Variants in SREBF2 observed in about 807,000 individuals in gnomAD.
SREBF2 encodes the protein sterol regulatory element binding transcription factor 2, also known as sterol regulatory element-binding protein 2.
Under a neutral mutation model 113.1 loss-of-function variants are expected in SREBF2, and 55 were observed. The observed-to-expected ratio is 0.49, with a 90% CI of 0.39 to 0.61. The LOEUF (loss-of-function observed/expected upper bound fraction) is 0.61, where lower values mean the gene tolerates loss of function less well. Ranked by LOEUF, SREBF2 falls within the 20% of genes least tolerant of loss-of-function variation. The probability of loss-of-function intolerance (pLI) is 0.00; values close to 1 mark genes in which losing one functional copy is unlikely to be tolerated. For missense variants in SREBF2, 1,349 were observed against 1,487.4 expected, an observed-to-expected ratio of 0.91 and a Z score of 1.53; for synonymous variants, 593 against 605.7, an observed-to-expected ratio of 0.98 and a Z score of 0.31.
chr22:41,890,053 T>C (rs1335782305), intron 11 of SREBF2, among the ~76,000 whole-genome samples: 1 of 152,134 alleles, frequency 6.6e-6, no homozygotes, highest in Non-Finnish European at 1.5e-5. Flanking sequence ...ATCATGGTTA[T>C]TAAGAATCCA....
At position 41,833,540 on chromosome 22, in the gene SREBF2, C is replaced by T. The variant is rs1288166485; in HGVS notation, c.88+182C>T. The T allele has an allele frequency of 1.0e-5, 5 of 486,462 alleles. No homozygotes were observed. Among genetic ancestry groups the T allele is most frequent in the South Asian group, 3.7e-5 (1 of 26,764 alleles). 30.1% of individuals were successfully genotyped at this position (486,462 alleles called of 1,614,324 possible). A position where few individuals can be genotyped will look rare whatever the true frequency, so the allele number is the denominator to read the frequency against. ...CGCTGCGAGCGTGAGCCCGACCCAGCTGCGCCGCTCCGGGAGGCCGTGGGA... is the reference window on the plus strand; with the variant it reads ...CGCTGCGAGCGTGAGCCCGACCCAGTTGCGCCGCTCCGGGAGGCCGTGGGA... On this transcript the variant is annotated intron_variant, in intron 1 of 18. Coordinates refer to ENST00000361204, the MANE Select transcript of SREBF2 (RefSeq NM_004599.4). This position sits in a 1 kb window ranked among gnomAD's most constrained non-coding sequence, Gnocchi z 4.1.
intron 14 of SREBF2, 40 bp downstream of exon 14, chr22:41,897,201 G>A (rs200668843): frequency 7.0e-7 from 1 of 1,431,034 alleles, no homozygotes; most frequent in East Asian, 2.3e-5. Context: ...AGGGTGCTCA[G>A]TTCAGGTCTT....
rs997386808 is a variant in SREBF2, at chr22:41,900,206, T to C, written c.2739-124T>C. 46 of 1,534,000 alleles carry C rather than the reference T, an allele frequency of 3.0e-5. No homozygotes were observed. The Admixed American group carries it at 4.5e-4, about 15-fold the overall frequency. On this transcript the variant is annotated intron_variant, in intron 15 of 18. Coordinates refer to ENST00000361204, the MANE Select transcript of SREBF2 (RefSeq NM_004599.4). ...GTGGCATGGTGCCATAGTGGCAGCA[T>C]TGGAGTCAACAGATGCACATGTCAT...
At chr22:41,854,084 A>C (rs2076956080) in intron 1 of SREBF2, among the ~76,000 whole-genome samples, 1 of 151,422 alleles carries the variant, frequency 6.6e-6, no homozygotes, top group South Asian at 2.1e-4. Context: ...TATAAGTTGC[A>C]TGAAAGTTGC....
intron 1 of SREBF2, among the ~76,000 whole-genome samples, chr22:41,851,570 T>C (rs1348094285): frequency 2.0e-5 from 3 of 152,080 alleles, no homozygotes; most frequent in African/African-American, 4.8e-5. Context: ...CTCGCCTCAC[T>C]GCAACCTCCA....
intron 5 of SREBF2, among the ~76,000 whole-genome samples, chr22:41,874,980 T>G (rs1225989630): frequency 4.6e-5 from 7 of 152,046 alleles, no homozygotes; most frequent in Admixed American, 4.6e-4. Flanking sequence ...TTCGTTAAAG[T>G]TTGTTATGGT....
intron 13 of SREBF2, among the ~76,000 whole-genome samples, chr22:41,896,700 G>A (rs1206596455): frequency 6.6e-6 from 1 of 152,204 alleles, no homozygotes; most frequent in Non-Finnish European, 1.5e-5. Flanking sequence ...TGATTAGGGT[G>A]CACCTGAGGA....
At chr22:41,878,719 A>G (rs980707634) in intron 9 of SREBF2, 5 of 1,304,196 alleles carry the variant, frequency 3.8e-6, no homozygotes, top group Non-Finnish European at 5.1e-6. Flanking sequence ...AAACATCCAC[A>G]TTTCAAGAGG....
intron 1 of SREBF2, among the ~76,000 whole-genome samples, chr22:41,849,118 G>A (rs565650786): frequency 8.6e-4 from 131 of 152,214 alleles, no homozygotes; most frequent in African/African-American, 2.9e-3. Flanking sequence ...ATTCCAGCAG[G>A]TTCCTCTTGT....
chr22:41,866,980 AG>A lies in SREBF2; in HGVS notation c.239del (p.Ser80ThrfsTer71). 1 of 1,614,238 alleles carries A rather than the reference AG, an allele frequency of 6.2e-7. No homozygotes were observed. Among genetic ancestry groups the A allele is most frequent in the Non-Finnish European group, 8.5e-7 (1 of 1,180,044 alleles). On this transcript the variant is annotated frameshift_variant, in exon 2 of 19. Coordinates refer to ENST00000361204, the MANE Select transcript of SREBF2 (RefSeq NM_004599.4). LOFTEE classifies it high-confidence loss of function. The stretch of plus-strand genomic sequence containing the variant: ...CAGCAGCAGCAATGGCAGGGGCAGC[AG>A]CAGCGGAGCTGTGGACCCTTCAGTG... ...SSSSSNGRGS[S>X]SGAVDPSVQR... is the part of the protein sequence containing the mutation.
rs2077510273 is a variant in SREBF2, at chr22:41,906,474, CCAGGGGCCTT to C, written c.*818_*827del. On this transcript the variant is annotated 3_prime_UTR_variant, in exon 19 of 19. Transcript: ENST00000361204. ...TGAAGCCACCCATGGGGACTGGGGA[CCAGGGGCCTT>C]CAGCATGGCTTCTAGGTTCCCTCCT... 6.1e-6 allele frequency: 1 copy of C among 163,188 alleles called. No individual in the cohort carries two copies. Among genetic ancestry groups the C allele is most frequent in the South Asian group, 1.6e-4 (1 of 6,170 alleles). 10.1% of individuals were successfully genotyped at this position (163,188 alleles called of 1,614,324 possible). A position where few individuals can be genotyped will look rare whatever the true frequency, so the allele number is the denominator to read the frequency against.
chr22:41,898,251 T>G (rs982690985), intron 14 of SREBF2, among the ~76,000 whole-genome samples: 1 of 152,096 alleles, frequency 6.6e-6, no homozygotes, highest in Non-Finnish European at 1.5e-5. Flanking sequence ...GTAGCTGGGA[T>G]TACAGTCACC....
chr22:41,833,320 C>G lies in SREBF2; in HGVS notation c.50C>G (p.Thr17Arg). ...LGGLETMETL[T>R]ELGDELTLGD... is the part of the protein sequence containing the mutation. The stretch of plus-strand genomic sequence containing the variant: ...GGTCTGGAGACCATGGAGACCCTCA[C>G]GGAGCTGGGCGACGAGCTGACCCTG... Residue 17 changes from threonine (T) to arginine (R), a missense_variant, in exon 1 of 19, where the codon ACG becomes AGG. By Grantham distance (71) the Thr-to-Arg change is moderately conservative (BLOSUM62 -1). This residue lies in a region of SREBF2 where 699 missense variants were observed against 843.3 expected (regional missense o/e 0.83). Transcript: ENST00000361204. This position sits in a 1 kb window ranked among gnomAD's most constrained non-coding sequence, Gnocchi z 4.1. The G allele has an allele frequency of 2.4e-6, 3 of 1,266,502 alleles. No individual in the cohort carries two copies. Among genetic ancestry groups the G allele is most frequent in the Middle Eastern group, 4.3e-4 (2 of 4,622 alleles). 78.5% of individuals were successfully genotyped at this position (1,266,502 alleles called of 1,614,324 possible). A position where few individuals can be genotyped will look rare whatever the true frequency, so the allele number is the denominator to read the frequency against.
intron 2 of SREBF2, 87 bp downstream of exon 2, chr22:41,867,367 T>C: frequency 7.0e-7 from 1 of 1,431,070 alleles, no homozygotes; most frequent in Non-Finnish European, 9.8e-7. Context: ...TCTGTCGTCT[T>C]CAGGAATGGC....
chr22:41,890,584 A>G (rs2077350909), intron 11 of SREBF2, among the ~76,000 whole-genome samples: 1 of 152,172 alleles, frequency 6.6e-6, no homozygotes, highest in African/African-American at 2.4e-5. Context: ...ACATCAGGCA[A>G]TTAGCAGATG....
Position 41,833,384 on chromosome 22 carries a change from GGGGGCCGCGC to G in SREBF2, c.88+31_88+40del, listed in dbSNP as rs1326874886. 2 of 1,475,530 alleles carry G rather than the reference GGGGGCCGCGC, an allele frequency of 1.4e-6. No homozygotes were observed. The highest frequency in any genetic ancestry group is 1.8e-6 in the Non-Finnish European group (2 of 1,090,208). 91.4% of individuals were successfully genotyped at this position (1,475,530 alleles called of 1,614,324 possible). A position where few individuals can be genotyped will look rare whatever the true frequency, so the allele number is the denominator to read the frequency against. On this transcript the variant is annotated intron_variant, in intron 1 of 18. Coordinates refer to ENST00000361204, the MANE Select transcript of SREBF2 (RefSeq NM_004599.4). This position sits in a 1 kb window ranked among gnomAD's most constrained non-coding sequence, Gnocchi z 4.1. ...GTGAGTGGTGGGTGGGTGGGAGTGC[GGGGGCCGCGC>G]GGGGAGGAAGGGGTTACGGCGGCGC...
intron 11 of SREBF2, among the ~76,000 whole-genome samples, chr22:41,890,915 A>G (rs1355071245): frequency 1.3e-5 from 2 of 152,116 alleles, no homozygotes; most frequent in African/African-American, 2.4e-5. Context: ...CTTTAAAAAA[A>G]AAAAGAAAAG....
intron 11 of SREBF2, among the ~76,000 whole-genome samples, chr22:41,890,192 T>G (rs2077345533): frequency 6.6e-6 from 1 of 152,214 alleles, no homozygotes; most frequent in Non-Finnish European, 1.5e-5. Flanking sequence ...TGTCAAGCAC[T>G]GCACACCTCA....
In SREBF2 at chr22:41,833,641, C is replaced by T. The variant is rs1424134979; in HGVS notation, c.88+283C>T. On this transcript the variant is annotated intron_variant, in intron 1 of 18. Transcript: ENST00000361204. This position sits in a 1 kb window ranked among gnomAD's most constrained non-coding sequence, Gnocchi z 4.1. ...CGCGGGGCTAGGGACGTCGCGGGGG[C>T]GTCTCAGGGAGCGGCCTAAGGAGAG... is the stretch of plus-strand genomic sequence containing the variant. 5 of 347,834 alleles carry T rather than the reference C, an allele frequency of 1.4e-5. No homozygotes were observed. Among genetic ancestry groups the T allele is most frequent in the African/African-American group, 8.6e-5 (4 of 46,500 alleles). The allele number at this position is 347,834 out of a possible 1,614,324, so 21.5% of individuals were successfully genotyped here.
Sources: allele counts gnomAD v4.1 joint callset (sites outside exome capture counted in the v4.1 genomes callset), GRCh38; gene constraint gnomAD v4.1.1; regional missense constraint gnomAD v4.1.1; non-coding constraint Gnocchi (gnomAD v3.1); transcripts MANE v1.5; gene names NCBI Gene and HGNC (gene_info 2026-07-23, HGNC 2026-07-21).